Variants in HSPA12B observed in about 807,000 individuals in gnomAD.
HSPA12B encodes heat shock protein family A (Hsp70) member 12B.
HSPA12B carries 54 observed loss-of-function variants against 69.3 expected under a neutral mutation model. That is an observed-to-expected ratio of 0.78 (90% CI 0.63 to 0.98). The LOEUF is 0.98. Ranked by LOEUF, HSPA12B falls within the 50% of genes least tolerant of loss-of-function variation. The probability of loss-of-function intolerance (pLI) is 0.00; values close to 1 mark genes in which losing one functional copy is unlikely to be tolerated. For missense variants in HSPA12B, 929 were observed against 999.8 expected (o/e 0.93, Z 0.96); for synonymous variants, 441 against 436.5 (o/e 1.01, Z -0.13).
In HSPA12B at chr20:3,752,027, A is replaced by C; in HGVS notation, c.1922A>C (p.Gln641Pro). The change falls in exon 13 of 13, where the codon CAG becomes CCG. Residue 641 changes from glutamine (Q) to proline (P), a missense_variant. Gln to Pro is a moderately conservative substitution (Grantham distance 76). Coordinates refer to ENST00000254963, the MANE Select transcript of HSPA12B (RefSeq NM_052970.5). ...SLELEPADCG[Q>P]DTAGAPPGRR... ...GAGCTTGAGCCCGCCGACTGCGGCC[A>C]GGACACCGCCGGCGCGCCTCCCGGC... The C allele has an allele frequency of 1.3e-6, 2 of 1,559,908 alleles. No homozygotes were observed. The highest frequency in any genetic ancestry group is 1.7e-6 in the Non-Finnish European group (2 of 1,158,166).
rs1395760476 is a variant in HSPA12B, at chr20:3,745,128, T to C, written c.453+40T>C. On this transcript the variant is annotated intron_variant, in intron 5 of 12. Transcript: ENST00000254963. This position sits in a 1 kb window ranked among gnomAD's most constrained non-coding sequence, Gnocchi z 5.6. ...TCCAGACAGGGAGGCGGGGCCAGCA[T>C]GGAAAAGGGCAGGGCTAATGGGGGT... 4.7e-6 allele frequency: 7 copies of C among 1,488,550 alleles called. No individual in the cohort carries two copies. 92.2% of individuals were successfully genotyped at this position (1,488,550 alleles called of 1,614,324 possible). A position where few individuals can be genotyped will look rare whatever the true frequency, so the allele number is the denominator to read the frequency against.
chr20:3,750,979 A>G, intron 12 of HSPA12B, 72 bp downstream of exon 12: 10 of 1,277,950 alleles, frequency 7.8e-6, no homozygotes, highest in South Asian at 7.1e-5. Flanking sequence ...CCCCCCCATC[A>G]GTGCCTAGAT....
rs76746502 is a variant in HSPA12B, at chr20:3,744,851, G to T, written c.267-51G>T. The T allele has an allele frequency of 4.4e-5, 69 of 1,565,518 alleles. No individual in the cohort carries two copies. In the East Asian group the frequency reaches 1.5e-3, roughly 33 times the overall value. On this transcript the variant is annotated intron_variant, in intron 4 of 12. Transcript: ENST00000254963. The surrounding 1 kb of genome is among the most constrained non-coding windows in gnomAD (Gnocchi z 4.9). ...TTGCACATGCTGTTCCCTCTGCCTG[G>T]ATTCCCACCCAAGAAGGGAGGGTTG...
chr20:3,736,821 G>A (rs2088115419), intron 1 of HSPA12B, among the ~76,000 whole-genome samples: 1 of 152,156 alleles, frequency 6.6e-6, no homozygotes, highest in Non-Finnish European at 1.5e-5. Context: ...CCAGGAGTTC[G>A]AGACCAGCCT....
rs773272336 is a variant in HSPA12B at position 3,750,153 on chromosome 20, G to C, written c.1227G>C (p.Ser409=). Reference sequence around the variant, plus strand: ...ACCGTGCAGGGGCGCTCAACATCTCGCTGCCCTTCTCCTTCATTGACTTCT... The same window carrying C: ...ACCGTGCAGGGGCGCTCAACATCTCCCTGCCCTTCTCCTTCATTGACTTCT... ...GPHRAGALNI[S]LPFSFIDFYR... is the part of the protein sequence containing the mutation. The change falls in exon 11 of 13, where the codon TCG becomes TCC. Residue 409 remains serine (S), a synonymous_variant. Coordinates refer to ENST00000254963, the MANE Select transcript of HSPA12B (RefSeq NM_052970.5). 1 of 1,611,540 alleles carries C rather than the reference G, an allele frequency of 6.2e-7. No individual in the cohort carries two copies. The highest frequency in any genetic ancestry group is 8.5e-7 in the Non-Finnish European group (1 of 1,179,184).
At chr20:3,741,015 A>AT (rs749201532) in intron 3 of HSPA12B, 103 bp downstream of exon 3, 30 of 892,874 alleles carry the variant, frequency 3.4e-5, no homozygotes, top group Non-Finnish European at 5.2e-5. Flanking sequence ...GGAGGAGGGG[A>AT]TGGGGGTAGC....
rs1490894160 is a variant in HSPA12B, at chr20:3,752,058, C to G, written c.1953C>G (p.Arg651=). Residue 651 remains arginine, a synonymous_variant, in exon 13 of 13, where the codon CGC becomes CGG. Coordinates refer to ENST00000254963, the MANE Select transcript of HSPA12B (RefSeq NM_052970.5). The stretch of plus-strand genomic sequence containing the variant: ...CCGCCGGCGCGCCTCCCGGCCGCCG[C>G]GAGATCCGCGCCGCCATGCAGTTTG... ...QDTAGAPPGR[R]EIRAAMQFGD... 1 of 1,551,026 alleles carries G rather than the reference C, an allele frequency of 6.4e-7. No individual in the cohort carries two copies. Among genetic ancestry groups the G allele is most frequent in the Admixed American group, 1.9e-5 (1 of 53,094 alleles).
chr20:3,742,464 C>G (rs1023214191), intron 4 of HSPA12B, 56 bp downstream of exon 4: 4 of 1,412,140 alleles, frequency 2.8e-6, no homozygotes, highest in Middle Eastern at 1.8e-4. Flanking sequence ...TTCCTCATAC[C>G]TTGGTCCCAA....
At chr20:3,736,163 T>A (rs1371133890) in intron 1 of HSPA12B, among the ~76,000 whole-genome samples, 2 of 152,192 alleles carry the variant, frequency 1.3e-5, no homozygotes, top group Non-Finnish European at 2.9e-5. Context: ...GGGACCCAGC[T>A]CAGCATCCCA....
rs931699273 is a variant in HSPA12B, at chr20:3,737,902, C to G, written c.-17-756C>G. Among the ~76,000 whole-genome samples the G allele has an allele frequency of 6.6e-6, 1 of 152,116 alleles. No individual in the cohort carries two copies. The highest frequency in any genetic ancestry group is 2.4e-5 in the African/African-American group (1 of 41,418). ...CCTGTAATCCCAGCTACTGAGGAGG[C>G]TGAGGTAGGAGAATGGCTTGAACCT... On this transcript the variant is annotated intron_variant, in intron 1 of 12. Transcript: ENST00000254963. The surrounding 1 kb of genome is among the most constrained non-coding windows in gnomAD (Gnocchi z 4.1).
At chr20:3,748,065 G>A in intron 7 of HSPA12B, 152 bp from the exon 8 acceptor site, 1 of 672,494 alleles carries the variant, frequency 1.5e-6, no homozygotes, top group Non-Finnish European at 2.3e-6. Context: ...CCAAATTTGT[G>A]CAGCACAGAG....
chr20:3,741,777 T>C (rs73586782), intron 3 of HSPA12B, among the ~76,000 whole-genome samples: 1,847 of 152,332 alleles, frequency 0.012, 38 homozygotes, highest in African/African-American at 0.043. Context: ...AGCCCTGGCA[T>C]AGGAGAAGGC....
At position 3,750,248 on chromosome 20, in the gene HSPA12B, C is replaced by T. The variant is rs754875285; in HGVS notation, c.1301+21C>T. 5 of 1,568,942 alleles carry T rather than the reference C, an allele frequency of 3.2e-6. No individual in the cohort carries two copies. In the Admixed American group the frequency reaches 5.4e-5, roughly 17 times the overall value. On this transcript the variant is annotated intron_variant, in intron 11 of 12. Coordinates refer to ENST00000254963, the MANE Select transcript of HSPA12B (RefSeq NM_052970.5). ...AGCAGGTGGGTCCTGAGCCCGCGGG[C>T]TCAGGCAGGGTTTGCCGACCCGGGA... is the stretch of plus-strand genomic sequence containing the variant.
intron 2 of HSPA12B, among the ~76,000 whole-genome samples, chr20:3,739,457 G>A (rs375303506): frequency 6.6e-6 from 1 of 152,226 alleles, no homozygotes; most frequent in Non-Finnish European, 1.5e-5. Flanking sequence ...GAGGCCGGAG[G>A]CAAGAGGGAC....
At chr20:3,739,439 AG>A (rs1025952243) in intron 2 of HSPA12B, among the ~76,000 whole-genome samples, 11 of 152,312 alleles carry the variant, frequency 7.2e-5, no homozygotes, top group African/African-American at 2.4e-4. Flanking sequence ...GGTTCTCCGC[AG>A]GGGTGGGAGG....
At chr20:3,735,797 G>A (rs753113233) in intron 1 of HSPA12B, among the ~76,000 whole-genome samples, 3 of 151,988 alleles carry the variant, frequency 2.0e-5, no homozygotes, top group Non-Finnish European at 4.4e-5. Context: ...GTTCTAGGTT[G>A]TTTCTCCTCC....
chr20:3,738,516 G>C (rs1378354285), intron 1 of HSPA12B, 142 bp from the exon 2 acceptor site: 21 of 686,642 alleles, frequency 3.1e-5, no homozygotes, highest in Non-Finnish European at 2.6e-5. Flanking sequence ...GTATTAAAGA[G>C]TTCACGGGTG....
rs748437176 is a variant in HSPA12B at position 3,742,357 on chromosome 20, G to A, written c.215G>A (p.Ser72Asn). The A allele has an allele frequency of 6.2e-7, 1 of 1,614,154 alleles. No homozygotes were observed. The highest frequency in any genetic ancestry group is 8.5e-7 in the Non-Finnish European group (1 of 1,179,978). Residue 72 changes from serine (S) to asparagine (N), a missense_variant, in exon 4 of 13, where the codon AGT becomes AAT. Transcript: ENST00000254963. ...GCCATTGACTTCGGCACCACGTCTA[G>A]TGGCTATGCTTTCAGCTTTGCCAGT... ...VVAIDFGTTS[S>N]GYAFSFASDP... is the part of the protein sequence containing the mutation.
intron 7 of HSPA12B, among the ~76,000 whole-genome samples, chr20:3,747,172 C>T (rs946460590): frequency 6.6e-6 from 1 of 152,142 alleles, no homozygotes; most frequent in Non-Finnish European, 1.5e-5. Flanking sequence ...AGACTCATTG[C>T]TTGGTCGTAA....
Sources: allele counts gnomAD v4.1 joint callset (sites outside exome capture counted in the v4.1 genomes callset), GRCh38; gene constraint gnomAD v4.1.1; non-coding constraint Gnocchi (gnomAD v3.1); transcripts MANE v1.5; gene names NCBI Gene and HGNC (gene_info 2026-07-23, HGNC 2026-07-21).